Variants in KAZN observed in about 807,000 individuals in gnomAD.
KAZN encodes kazrin, periplakin interacting protein.
A neutral mutation model predicts 87.4 loss-of-function variants in KAZN; 40 were observed. The ratio of observed to expected loss-of-function variants is 0.46; its 90% confidence interval spans 0.36 to 0.60. The LOEUF (loss-of-function observed/expected upper bound fraction) is 0.60. Ranked by LOEUF, KAZN falls within the 20% of genes least tolerant of loss-of-function variation. The pLI, the probability that KAZN is intolerant of heterozygous loss-of-function variation, is 0.00. For missense variants in KAZN, 898 were observed against 1,073.9 expected, an observed-to-expected ratio of 0.84 and a Z score of 2.29; for synonymous variants, 466 against 458.3, an observed-to-expected ratio of 1.02 and a Z score of -0.22.
intron 2 of KAZN, among the ~76,000 whole-genome samples, chr1:14,264,537 A>C (rs1651324789): frequency 6.6e-6 from 1 of 152,132 alleles, no homozygotes; most frequent in East Asian, 1.9e-4. Flanking sequence ...TAAAAGGATG[A>C]GTCCTACCCC....
At chr1:14,937,186 A>G (rs910221767) in intron 1 of KAZN, among the ~76,000 whole-genome samples, 5 of 152,228 alleles carry the variant, frequency 3.3e-5, no homozygotes, top group African/African-American at 1.2e-4. Context: ...GCGCTGCAGA[A>G]GGTGAAGATG....
At position 14,391,172 on chromosome 1, in the gene KAZN, G is replaced by C. The variant is rs146265442; in HGVS notation, c.250-207811G>C. On this transcript the variant is annotated intron_variant, in intron 2 of 16. Coordinates refer to the KAZN transcript ENST00000636203. ...GGCCCCAGTGCATTGGACTCCAGGGGAGCCTGAAGTGGTGAGGAGCAGCTG... is the reference window on the plus strand; with the variant it reads ...GGCCCCAGTGCATTGGACTCCAGGGCAGCCTGAAGTGGTGAGGAGCAGCTG... Among the ~76,000 whole-genome samples, 8 of 152,262 alleles carry C rather than the reference G, an allele frequency of 5.3e-5. No individual in the cohort carries two copies. In the East Asian group the frequency reaches 9.7e-4, roughly 18 times the overall value.
intron 1 of KAZN, among the ~76,000 whole-genome samples, chr1:14,602,291 G>A: frequency 6.6e-6 from 1 of 152,228 alleles, no homozygotes; most frequent in East Asian, 1.9e-4. Flanking sequence ...CGGAATCTGT[G>A]TTGAAAGAAT....
At chr1:13,943,291 G>A (rs999708276) in intron 1 of KAZN, among the ~76,000 whole-genome samples, 4 of 152,108 alleles carry the variant, frequency 2.6e-5, no homozygotes, top group Non-Finnish European at 4.4e-5. Context: ...CAATGGAATG[G>A]CATCTTTAAA....
chr1:14,401,798 C>T (rs1441990301), intron 2 of KAZN, among the ~76,000 whole-genome samples: 1 of 151,982 alleles, frequency 6.6e-6, no homozygotes, highest in Non-Finnish European at 1.5e-5. Context: ...CATTAGTAAG[C>T]TCCCACACTT....
intron 2 of KAZN, among the ~76,000 whole-genome samples, chr1:14,269,772 G>C (rs1651777026): frequency 6.6e-6 from 1 of 152,168 alleles, no homozygotes; most frequent in Admixed American, 6.5e-5. Context: ...GGTGGGGCAG[G>C]ATCACCTGAG....
rs1460301131 is a variant in KAZN, at chr1:14,591,563, T to C, written c.250-7420T>C. ...TCTGTGGTTAGAATGTCTATTAATA[T>C]TTATCAATTTCATACCTAGGAGCTT... On this transcript the variant is annotated intron_variant, in intron 2 of 16. Coordinates refer to the KAZN transcript ENST00000636203. Among the ~76,000 whole-genome samples the C allele has an allele frequency of 2.8e-4, 43 of 152,202 alleles. 1 individual carries two copies. The highest frequency in any genetic ancestry group is 2.8e-3 in the Admixed American group (43 of 15,282).
chr1:14,398,100 C>T (rs938418323), intron 2 of KAZN, among the ~76,000 whole-genome samples: 1 of 152,168 alleles, frequency 6.6e-6, no homozygotes, highest in African/African-American at 2.4e-5. Context: ...CCCTAGCCTA[C>T]TAAAATGCCT....
intron 2 of KAZN, among the ~76,000 whole-genome samples, chr1:14,534,599 C>T (rs1291999936): frequency 6.6e-6 from 1 of 151,974 alleles, no homozygotes; most frequent in Non-Finnish European, 1.5e-5. Flanking sequence ...GAGCCGAGAT[C>T]GCACCACTGC....
intron 2 of KAZN, among the ~76,000 whole-genome samples, chr1:15,013,345 C>G (rs1010563750): frequency 2.0e-5 from 3 of 152,008 alleles, no homozygotes; most frequent in Non-Finnish European, 2.9e-5. Context: ...GGAAGCTAGA[C>G]AGTAAACAGG....
chr1:14,369,305 C>T (rs973667590), intron 2 of KAZN, among the ~76,000 whole-genome samples: 1 of 152,200 alleles, frequency 6.6e-6, no homozygotes, highest in Non-Finnish European at 1.5e-5. Flanking sequence ...TTTCCTCGCT[C>T]AATGCCAGGT....
At chr1:14,631,743 G>A (rs992868742) in intron 1 of KAZN, among the ~76,000 whole-genome samples, 2 of 152,276 alleles carry the variant, frequency 1.3e-5, no homozygotes, top group Non-Finnish European at 2.9e-5. Context: ...CCCAGGGAAT[G>A]AAGTGATGAA....
chr1:13,976,516 G>T (rs1570432747), intron 1 of KAZN, among the ~76,000 whole-genome samples: 1 of 151,650 alleles, frequency 6.6e-6, no homozygotes, highest in South Asian at 2.1e-4. Flanking sequence ...GGATGCTGAG[G>T]TTCCTGTTTG....
At chr1:14,994,537 C>T (rs1278165341) in intron 2 of KAZN, among the ~76,000 whole-genome samples, 1 of 152,232 alleles carries the variant, frequency 6.6e-6, no homozygotes, top group Non-Finnish European at 1.5e-5. Flanking sequence ...CGGGTCACCC[C>T]GGGAATAGTC....
intron 1 of KAZN, among the ~76,000 whole-genome samples, chr1:13,921,683 T>A (rs1476252329): frequency 6.6e-6 from 1 of 152,062 alleles, no homozygotes; most frequent in African/African-American, 2.4e-5. Flanking sequence ...TGGAGTGCAG[T>A]GGTGTGACCT....
At chr1:14,415,540 C>A (rs1183434441) in intron 2 of KAZN, among the ~76,000 whole-genome samples, 3 of 152,164 alleles carry the variant, frequency 2.0e-5, no homozygotes, top group African/African-American at 7.2e-5. Context: ...CCCCCACCCA[C>A]TGAAGTCTGT....
chr1:14,034,706 AAG>A (rs1248100283), intron 1 of KAZN, among the ~76,000 whole-genome samples: 1 of 152,176 alleles, frequency 6.6e-6, no homozygotes, highest in African/African-American at 2.4e-5. Flanking sequence ...ACATAACCAG[AAG>A]AGAGAGTTCA....
chr1:14,130,345 C>G (rs923350849), intron 1 of KAZN, among the ~76,000 whole-genome samples: 10 of 152,176 alleles, frequency 6.6e-5, no homozygotes, highest in African/African-American at 2.2e-4. Flanking sequence ...GCAGCTCCTT[C>G]TGTATGCAAG....
intron 1 of KAZN, among the ~76,000 whole-genome samples, chr1:14,640,358 A>G (rs1680326507): frequency 6.6e-6 from 1 of 152,148 alleles, no homozygotes; most frequent in Non-Finnish European, 1.5e-5. Context: ...TTGAATTTTC[A>G]TCACTCCATA....
Sources: allele counts gnomAD v4.1 joint callset (sites outside exome capture counted in the v4.1 genomes callset), GRCh38; gene constraint gnomAD v4.1.1; transcripts MANE v1.5; gene names NCBI Gene and HGNC (gene_info 2026-07-23, HGNC 2026-07-21).